HS3ST5: variants seen among roughly 807,000 people sequenced by gnomAD.
The protein encoded by HS3ST5 is heparan sulfate-glucosamine 3-sulfotransferase 5.
A neutral mutation model predicts 25.4 loss-of-function variants in HS3ST5; 10 were observed. The ratio of observed to expected loss-of-function variants is 0.39; its 90% confidence interval spans 0.24 to 0.67. The LOEUF (loss-of-function observed/expected upper bound fraction) is 0.67, where lower values mean the gene tolerates loss of function less well. Ranked by LOEUF, HS3ST5 falls within the 30% of genes least tolerant of loss-of-function variation. The pLI is 0.44. For synonymous variants in HS3ST5, 170 were observed against 162.4 expected, an observed-to-expected ratio of 1.05 and a Z score of -0.36; for missense variants, 324 against 420.7, an observed-to-expected ratio of 0.77 and a Z score of 2.01.
Position 114,155,407 on chromosome 6 carries a change from A to G in HS3ST5, c.-33+12944T>C, listed in dbSNP as rs191986611. Among the ~76,000 whole-genome samples the G allele has an allele frequency of 3.3e-4, 51 of 152,268 alleles. No homozygotes were observed. The East Asian group carries it at 8.1e-3, about 24-fold the overall frequency. On this transcript the variant is annotated intron_variant, in intron 3 of 4. Transcript: ENST00000312719. ...AGTCTTCTGTTAATCAAGCCAATGGATTCTATTCAAAACTTGGAAAAAAGA... is the reference window on the plus strand; with the variant it reads ...AGTCTTCTGTTAATCAAGCCAATGGGTTCTATTCAAAACTTGGAAAAAAGA...
At chr6:114,224,410 A>G (rs1378397386) in intron 2 of HS3ST5, among the ~76,000 whole-genome samples, 1 of 151,528 alleles carries the variant, frequency 6.6e-6, no homozygotes, top group Non-Finnish European at 1.5e-5. Flanking sequence ...GGCTCACATA[A>G]TAAATTATAT....
chr6:114,076,838 C>A (rs1774168589), intron 3 of HS3ST5, among the ~76,000 whole-genome samples: 1 of 152,122 alleles, frequency 6.6e-6, no homozygotes, highest in African/African-American at 2.4e-5. Flanking sequence ...AAATGGACAC[C>A]ATTTGTTAGT....
At chr6:114,126,867 A>G (rs1166705870) in intron 3 of HS3ST5, among the ~76,000 whole-genome samples, 1 of 152,206 alleles carries the variant, frequency 6.6e-6, no homozygotes, top group Admixed American at 6.5e-5. Flanking sequence ...GGAAGCCATG[A>G]GCAGTGAAAC....
At chr6:114,144,195 T>C (rs533329637) in intron 3 of HS3ST5, among the ~76,000 whole-genome samples, 1 of 152,274 alleles carries the variant, frequency 6.6e-6, no homozygotes, top group South Asian at 2.1e-4. Flanking sequence ...GAGAGCTGCT[T>C]TCCTGTGTTT....
chr6:114,180,769 G>T (rs1519682), intron 2 of HS3ST5, among the ~76,000 whole-genome samples: 147,564 of 152,308 alleles, frequency 0.97, 71,662 homozygotes, highest in East Asian at 1. Context: ...TGACTTCATT[G>T]AACCTTAATT....
At chr6:114,311,352 T>C (rs1180910615) in intron 1 of HS3ST5, among the ~76,000 whole-genome samples, 1 of 152,170 alleles carries the variant, frequency 6.6e-6, no homozygotes, top group Non-Finnish European at 1.5e-5. Context: ...TATACCAATA[T>C]GTTAAGAATG....
At chr6:114,304,747 A>G (rs1775219589) in intron 1 of HS3ST5, among the ~76,000 whole-genome samples, 1 of 152,174 alleles carries the variant, frequency 6.6e-6, no homozygotes, top group Non-Finnish European at 1.5e-5. Flanking sequence ...CTTTCCAAGC[A>G]AACAAAAACT....
intron 3 of HS3ST5, among the ~76,000 whole-genome samples, chr6:114,122,939 A>G (rs1391069592): frequency 2.0e-5 from 3 of 152,076 alleles, no homozygotes; most frequent in Non-Finnish European, 4.4e-5. Context: ...ATATACAGAT[A>G]GTTTTTGTTT....
chr6:114,289,938 T>A (rs1270783741), intron 1 of HS3ST5, among the ~76,000 whole-genome samples: 2 of 152,080 alleles, frequency 1.3e-5, no homozygotes, highest in East Asian at 1.9e-4. Context: ...GTACTTCAAA[T>A]GAAAAACAAA....
chr6:114,303,972 G>C (rs1200396193), intron 1 of HS3ST5, among the ~76,000 whole-genome samples: 1 of 152,138 alleles, frequency 6.6e-6, no homozygotes, highest in Non-Finnish European at 1.5e-5. Flanking sequence ...TGCAGTAGTG[G>C]TGTGATTCCA....
chr6:114,290,751 C>G (rs879341424), intron 1 of HS3ST5, among the ~76,000 whole-genome samples: 1 of 151,896 alleles, frequency 6.6e-6, no homozygotes, highest in Admixed American at 6.6e-5. Flanking sequence ...TACTAGGTGC[C>G]ACTTGTATTG....
At chr6:114,190,555 T>G (rs907762786) in intron 2 of HS3ST5, among the ~76,000 whole-genome samples, 3 of 152,178 alleles carry the variant, frequency 2.0e-5, no homozygotes, top group Admixed American at 2.0e-4. Flanking sequence ...ACTACCTTGC[T>G]TATGATGACA....
rs540431368 is a variant in HS3ST5 at position 114,261,343 on chromosome 6, A to G, written c.-338-32565T>C. 7.7e-4 allele frequency among the ~76,000 whole-genome samples: 118 copies of G among 152,334 alleles called. 1 individual carries two copies. Among genetic ancestry groups the G allele is most frequent in the African/African-American group, 2.7e-3 (112 of 41,576 alleles). ...ATGGGAAGTTGAGGGATTGGGTACA[A>G]TCACACAAATAGAAGAGTTAACTGG... On this transcript the variant is annotated intron_variant, in intron 1 of 4. Transcript: ENST00000312719.
chr6:114,339,441 T>C (rs1776737210), intron 1 of HS3ST5, among the ~76,000 whole-genome samples: 1 of 151,996 alleles, frequency 6.6e-6, no homozygotes, highest in South Asian at 2.1e-4. Flanking sequence ...AATAACTACT[T>C]TTGTTAACTT....
intron 1 of HS3ST5, among the ~76,000 whole-genome samples, chr6:114,319,175 C>T (rs1775865749): frequency 6.6e-6 from 1 of 152,148 alleles, no homozygotes; most frequent in Non-Finnish European, 1.5e-5. Context: ...ATATTCCAAT[C>T]TCACAGAAAA....
rs1236311901 is a variant in HS3ST5 at position 114,340,741 on chromosome 6, AT to A, written c.-339+1453del. The A allele has an allele frequency of 3.3e-5, 5 of 152,334 alleles. No homozygotes were observed. The East Asian group carries it at 9.6e-4, about 29-fold the overall frequency. 9.4% of individuals were successfully genotyped at this position (152,334 alleles called of 1,614,324 possible). On this transcript the variant is annotated intron_variant, in intron 1 of 4. Coordinates refer to ENST00000312719, the MANE Select transcript of HS3ST5 (RefSeq NM_153612.4). ...ATAAAACCTTTTTTAAAAAATAATC[AT>A]TTTTGATATTCATATTTGTAATCCC...
chr6:114,084,901 G>A (rs529638757), intron 3 of HS3ST5: 2 of 508,658 alleles, frequency 3.9e-6, no homozygotes, highest in African/African-American at 4.3e-5. Context: ...GTGTGATCTC[G>A]GCTCACTGCA....
chr6:114,072,764 A>T lies in HS3ST5; in HGVS notation c.-32-9887T>A, dbSNP rs1773896761. ...TGCTATCCCCATCAAGCTACCAATA[A>T]CTTTCTTCACAGAATTGGAAAAAAA... On this transcript the variant is annotated intron_variant, in intron 3 of 4. Coordinates refer to ENST00000312719, the MANE Select transcript of HS3ST5 (RefSeq NM_153612.4). Among the ~76,000 whole-genome samples the T allele has an allele frequency of 2.6e-5, 4 of 152,366 alleles. No homozygotes were observed. In the South Asian group the frequency reaches 8.3e-4, roughly 32 times the overall value.
At chr6:114,301,890 G>A (rs1240060628) in intron 1 of HS3ST5, among the ~76,000 whole-genome samples, 4 of 152,140 alleles carry the variant, frequency 2.6e-5, no homozygotes, top group Non-Finnish European at 1.5e-5. Context: ...GGGCAACCAA[G>A]GGCTTTTTAA....
Sources: gnomAD v4.1 joint callset for allele counts (sites outside exome capture counted in the v4.1 genomes callset) on GRCh38, gnomAD v4.1.1 for gene constraint, MANE v1.5 for transcripts, NCBI Gene and HGNC (gene_info 2026-07-23, HGNC 2026-07-21) for gene names.